The following SUFU variants were observed in gnomAD, a reference collection of about 807,000 sequenced individuals.
SUFU encodes the protein suppressor of fused homolog.
Under a neutral mutation model 58.9 loss-of-function variants are expected in SUFU, and 7 were observed. The ratio of observed to expected loss-of-function variants is 0.12; its 90% CI spans 0.07 to 0.22. SUFU has a LOEUF of 0.22. SUFU is among the 10% of genes least tolerant of loss of function. The pLI is 1.00. For synonymous variants in SUFU, 232 were observed against 254.8 expected (o/e 0.91, Z 0.85); for missense variants, 451 against 641.3 (o/e 0.70, Z 3.20).
intron 3 of SUFU, chr10:102,572,729 TATTTAGA>T: frequency 8.3e-6 from 6 of 724,128 alleles, no homozygotes; most frequent in South Asian, 8.1e-5. Context: ...GATATACATA[TATTTAGA>T]ATTACCCAGC....
In SUFU at chr10:102,550,116, C is replaced by CA. The variant is rs756465918; in HGVS notation, c.454+11dup. 3.1e-6 allele frequency: 5 copies of CA among 1,613,972 alleles called. No homozygotes were observed. In the African/African-American group the frequency reaches 6.7e-5, roughly 22 times the overall value. On this transcript the variant is annotated intron_variant, in intron 3 of 11. Transcript: ENST00000369902. Reference sequence around the variant, plus strand: ...TACGTGTTCCAGTCAGGTAGGAGGCCAGGGCTGGCTGCTGTGCTGGTCCTT... The same window carrying CA: ...TACGTGTTCCAGTCAGGTAGGAGGCCAAGGGCTGGCTGCTGTGCTGGTCCTT...
chr10:102,562,066 T>C (rs1324611552), intron 3 of SUFU, among the ~76,000 whole-genome samples: 1 of 152,200 alleles, frequency 6.6e-6, no homozygotes, highest in Non-Finnish European at 1.5e-5. Flanking sequence ...GGACACAGCC[T>C]GCCTCTGTAA....
intron 2 of SUFU, among the ~76,000 whole-genome samples, chr10:102,545,772 G>A (rs1367791125): frequency 6.6e-6 from 1 of 152,082 alleles, no homozygotes; most frequent in Non-Finnish European, 1.5e-5. Context: ...TCAGAAGTTC[G>A]AGACCAGCCT....
intron 3 of SUFU, chr10:102,579,948 G>A (rs909740440): frequency 1.4e-5 from 11 of 803,272 alleles, no homozygotes; most frequent in Non-Finnish European, 1.7e-5. Flanking sequence ...CATTTGACCA[G>A]CTATGAAGAA....
In SUFU at chr10:102,516,898, C is replaced by T. The variant is rs185547122; in HGVS notation, c.317+7595C>T. 9.9e-4 allele frequency among the ~76,000 whole-genome samples: 146 copies of T among 147,622 alleles called. 3 individuals carry two copies. The East Asian group carries it at 0.027, about 27-fold the overall frequency. On this transcript the variant is annotated intron_variant, in intron 2 of 11. Transcript: ENST00000369902. Reference sequence around the variant, plus strand: ...CAGCATTTTGGGAGGCTGAGGTGGGCGGATCACCTGAGGTCAGGAGTTCGA... The same window carrying T: ...CAGCATTTTGGGAGGCTGAGGTGGGTGGATCACCTGAGGTCAGGAGTTCGA...
chr10:102,616,272 C>G (rs368774839), intron 9 of SUFU, among the ~76,000 whole-genome samples: 1 of 152,206 alleles, frequency 6.6e-6, no homozygotes, highest in African/African-American at 2.4e-5. Flanking sequence ...CTGGCTACCC[C>G]ACAGCCCAGG....
chr10:102,581,180 CAAAAAAAAAAAAAAAAAA>C (rs71016393), intron 3 of SUFU, among the ~76,000 whole-genome samples: 4 of 75,660 alleles, frequency 5.3e-5, no homozygotes, highest in South Asian at 9.8e-4. Context: ...ACTCTGTCTC[CAAAAAAAAAAAAAAAAAA>C]AAAAAAAAAA....
chr10:102,544,562 G>A (rs1564674143), intron 2 of SUFU, among the ~76,000 whole-genome samples: 1 of 152,104 alleles, frequency 6.6e-6, no homozygotes, highest in Non-Finnish European at 1.5e-5. Context: ...TTAATGGTGT[G>A]GTGGCACGCG....
chr10:102,590,159 TC>T (rs58617056), intron 3 of SUFU, among the ~76,000 whole-genome samples: 60,555 of 82,906 alleles, frequency 0.73, 21,569 homozygotes, highest in South Asian at 0.85. Context: ...TTTTCTTTTT[TC>T]TTTTTTTTTT....
Position 102,630,584 on chromosome 10 carries a change from G to T in SUFU, c.*429G>T. On this transcript the variant is annotated 3_prime_UTR_variant, in exon 12 of 12. Coordinates refer to ENST00000369902, the MANE Select transcript of SUFU (RefSeq NM_016169.4). ...GGATGCACTTCCCAGCTCATCTCTG[G>T]AAGCCTTTGCTACTCAAGCTCCTCT... 2.9e-6 allele frequency: 1 copy of T among 344,542 alleles called. No homozygotes were observed. The highest frequency in any genetic ancestry group is 4.4e-5 in the East Asian group (1 of 22,780). The allele number at this position is 344,542 out of a possible 1,614,324, so 21.3% of individuals were successfully genotyped here. A position where few individuals can be genotyped will look rare whatever the true frequency, so the allele number is the denominator to read the frequency against.
Position 102,578,994 on chromosome 10 carries a change from G to A in SUFU, c.455-13588G>A, listed in dbSNP as rs565291963. ...GTCTTGCTCAGTTACAAGCTTGTGG[G>A]CAGAAGATTCTGCCTTCTCATGCTG... On this transcript the variant is annotated intron_variant, in intron 3 of 11. Transcript: ENST00000369902. Among the ~76,000 whole-genome samples the A allele has an allele frequency of 6.6e-5, 10 of 152,294 alleles. No individual in the cohort carries two copies. The South Asian group carries it at 2.1e-3, about 32-fold the overall frequency.
At chr10:102,519,973 T>C (rs2062529110) in intron 2 of SUFU, among the ~76,000 whole-genome samples, 1 of 151,950 alleles carries the variant, frequency 6.6e-6, no homozygotes, top group South Asian at 2.1e-4. Context: ...GGTTTCGCCA[T>C]GTTGGCCAGG....
At chr10:102,508,755 A>G (rs1269017426) in intron 1 of SUFU, among the ~76,000 whole-genome samples, 1 of 152,154 alleles carries the variant, frequency 6.6e-6, no homozygotes, top group African/African-American at 2.4e-5. Flanking sequence ...CCCATTGGGG[A>G]TGCTTGGGAT....
intron 10 of SUFU, among the ~76,000 whole-genome samples, chr10:102,624,025 C>T (rs1432932738): frequency 6.6e-6 from 1 of 152,192 alleles, no homozygotes; most frequent in Non-Finnish European, 1.5e-5. Flanking sequence ...ACCTCCCTAG[C>T]AGAACTGCCA....
In SUFU at chr10:102,628,954, G is replaced by A. The variant is rs1418250056; in HGVS notation, c.1366-1112G>A. Among the ~76,000 whole-genome samples the A allele has an allele frequency of 6.6e-6, 1 of 152,124 alleles. No homozygotes were observed. The highest frequency in any genetic ancestry group is 2.4e-5 in the African/African-American group (1 of 41,428). On this transcript the variant is annotated intron_variant, in intron 11 of 11. Coordinates refer to ENST00000369902, the MANE Select transcript of SUFU (RefSeq NM_016169.4). This position sits in a 1 kb window ranked among gnomAD's most constrained non-coding sequence, Gnocchi z 4.5. ...GTGGATCACCTGAGGTCGGGAATTTGAGACCAGCCTGACCAACATGGAGAA... is the reference window on the plus strand; with the variant it reads ...GTGGATCACCTGAGGTCGGGAATTTAAGACCAGCCTGACCAACATGGAGAA...
chr10:102,560,077 A>G lies in SUFU; in HGVS notation c.454+9971A>G, dbSNP rs1245699790. Among the ~76,000 whole-genome samples, 4 of 152,326 alleles carry G rather than the reference A, an allele frequency of 2.6e-5. No individual in the cohort carries two copies. The East Asian group carries it at 5.8e-4, about 22-fold the overall frequency. On this transcript the variant is annotated intron_variant, in intron 3 of 11. Transcript: ENST00000369902. Reference sequence around the variant, plus strand: ...GGTACTGACAGACTCTAATGCTAACAGAGATTTTTTTTTGTTTTCACATTT... The same window carrying G: ...GGTACTGACAGACTCTAATGCTAACGGAGATTTTTTTTTGTTTTCACATTT...
intron 1 of SUFU, among the ~76,000 whole-genome samples, chr10:102,507,495 G>A (rs1188613588): frequency 6.6e-6 from 1 of 152,202 alleles, no homozygotes; most frequent in African/African-American, 2.4e-5. Context: ...AATTAGTCAA[G>A]TGATTTGTTG....
At chr10:102,557,802 A>C (rs1187839145) in intron 3 of SUFU, among the ~76,000 whole-genome samples, 4 of 151,936 alleles carry the variant, frequency 2.6e-5, no homozygotes, top group Non-Finnish European at 5.9e-5. Context: ...ACCACTGGGG[A>C]GATGAGCACC....
chr10:102,531,446 G>T (rs2062676974), intron 2 of SUFU, among the ~76,000 whole-genome samples: 1 of 152,130 alleles, frequency 6.6e-6, no homozygotes, highest in Non-Finnish European at 1.5e-5. Context: ...GGCTTTGCTG[G>T]ACAGGTCACC....
Sources: allele counts gnomAD v4.1 joint callset (sites outside exome capture counted in the v4.1 genomes callset), GRCh38; gene constraint gnomAD v4.1.1; non-coding constraint Gnocchi (gnomAD v3.1); transcripts MANE v1.5; gene names NCBI Gene and HGNC (gene_info 2026-07-23, HGNC 2026-07-21).